LRRC4C: variants seen among roughly 807,000 people sequenced by gnomAD.
The protein encoded by LRRC4C is leucine rich repeat containing 4C.
In LRRC4C, 5 loss-of-function variants were observed where a neutral mutation model predicts 33.6. The observed-to-expected ratio is 0.15, with a 90% CI of 0.08 to 0.31. LRRC4C has a LOEUF of 0.31. Among genes scored for constraint, LRRC4C ranks in the 10% least tolerant of loss-of-function variants. LRRC4C has a pLI of 1.00. For missense variants in LRRC4C, 560 were observed against 796.7 expected (o/e 0.70, Z 3.58); for synonymous variants, 329 against 302.0 (o/e 1.09, Z -0.93).
chr11:40,843,213 T>C (rs1209362943), intron 2 of LRRC4C, among the ~76,000 whole-genome samples: 1 of 152,156 alleles, frequency 6.6e-6, no homozygotes, highest in African/African-American at 2.4e-5. Flanking sequence ...AAGCAGCCAT[T>C]CTAGTCTACT....
chr11:40,236,486 G>T (rs1865567862), intron 5 of LRRC4C, among the ~76,000 whole-genome samples: 1 of 152,002 alleles, frequency 6.6e-6, no homozygotes, highest in South Asian at 2.1e-4. Flanking sequence ...TTATTTCATG[G>T]GCATAGAGAA....
chr11:40,742,103 A>T (rs1039327264), intron 2 of LRRC4C, among the ~76,000 whole-genome samples: 2 of 152,098 alleles, frequency 1.3e-5, no homozygotes, highest in African/African-American at 4.8e-5. Context: ...GCAGGAGCAG[A>T]TGAAATTCAA....
chr11:40,176,402 A>G (rs1405134706), intron 5 of LRRC4C, among the ~76,000 whole-genome samples: 1 of 152,218 alleles, frequency 6.6e-6, no homozygotes, highest in Non-Finnish European at 1.5e-5. Context: ...CATGGTGGCA[A>G]TTAAGTAAAC....
At chr11:40,117,782 A>G (rs1408729389) in intron 6 of LRRC4C, among the ~76,000 whole-genome samples, 1 of 151,910 alleles carries the variant, frequency 6.6e-6, no homozygotes, top group Non-Finnish European at 1.5e-5. Context: ...ATTATGTGTC[A>G]CCTTGAGCAA....
At chr11:40,921,832 A>C (rs1283632243) in intron 2 of LRRC4C, among the ~76,000 whole-genome samples, 1 of 152,198 alleles carries the variant, frequency 6.6e-6, no homozygotes, top group Non-Finnish European at 1.5e-5. Flanking sequence ...AATAAACATA[A>C]TCTAGACTAC....
chr11:40,893,991 C>A (rs1289733983), intron 2 of LRRC4C, among the ~76,000 whole-genome samples: 1 of 152,076 alleles, frequency 6.6e-6, no homozygotes, highest in Non-Finnish European at 1.5e-5. Context: ...CTTCAGTTAA[C>A]CCCAAGATCA....
rs1047505791 is a variant in LRRC4C at position 40,854,663 on chromosome 11, T to G, written c.-407+78972A>C. On this transcript the variant is annotated intron_variant, in intron 2 of 6. Transcript: ENST00000528697. ...CTACCCTTGGCAAACCTGCAAAATTTTATACATTAAAAATATGTTTGTGTA... is the reference window on the plus strand; with the variant it reads ...CTACCCTTGGCAAACCTGCAAAATTGTATACATTAAAAATATGTTTGTGTA... Among the ~76,000 whole-genome samples the G allele has an allele frequency of 2.0e-5, 3 of 151,750 alleles. No homozygotes were observed. In the East Asian group the frequency reaches 5.8e-4, roughly 29 times the overall value.
At chr11:40,792,889 A>G (rs926273786) in intron 2 of LRRC4C, among the ~76,000 whole-genome samples, 5 of 152,088 alleles carry the variant, frequency 3.3e-5, no homozygotes, top group Non-Finnish European at 7.4e-5. Flanking sequence ...TCACAAGGAC[A>G]AAAAACCAAA....
At chr11:40,518,425 C>A (rs962161140) in intron 3 of LRRC4C, among the ~76,000 whole-genome samples, 1 of 151,994 alleles carries the variant, frequency 6.6e-6, no homozygotes, top group Non-Finnish European at 1.5e-5. Flanking sequence ...AAAAAAACAA[C>A]CCCATCAAAA....
At chr11:41,256,183 G>A (rs1263704892) in intron 1 of LRRC4C, among the ~76,000 whole-genome samples, 3 of 151,902 alleles carry the variant, frequency 2.0e-5, no homozygotes, top group Non-Finnish European at 4.4e-5. Context: ...CAGAAACACA[G>A]TATTGCTGCC....
At chr11:40,988,756 G>A (rs1159051190) in intron 1 of LRRC4C, among the ~76,000 whole-genome samples, 1 of 124,752 alleles carries the variant, frequency 8.0e-6, no homozygotes, top group Non-Finnish European at 1.6e-5. Context: ...TCGTTAGGTC[G>A]CCCAGGCTGG....
intron 2 of LRRC4C, among the ~76,000 whole-genome samples, chr11:40,865,660 G>T: frequency 6.6e-6 from 1 of 151,628 alleles, no homozygotes; most frequent in Non-Finnish European, 1.5e-5. Flanking sequence ...CAACAGGTGG[G>T]TTATCTCTGA....
chr11:40,474,710 C>A (rs1953120320), intron 3 of LRRC4C, among the ~76,000 whole-genome samples: 1 of 152,136 alleles, frequency 6.6e-6, no homozygotes, highest in Non-Finnish European at 1.5e-5. Flanking sequence ...TATCCAGAAT[C>A]TACAAGGAAC....
chr11:41,094,728 G>T (rs970584579), intron 1 of LRRC4C, among the ~76,000 whole-genome samples: 1 of 151,896 alleles, frequency 6.6e-6, no homozygotes, highest in Admixed American at 6.6e-5. Flanking sequence ...CCCTATACAA[G>T]ATCAAAGCAT....
chr11:41,173,662 C>T (rs1945073335), intron 1 of LRRC4C, among the ~76,000 whole-genome samples: 1 of 152,092 alleles, frequency 6.6e-6, no homozygotes, highest in Admixed American at 6.5e-5. Flanking sequence ...ATTCATGTCT[C>T]TCTCCATTGA....
chr11:40,642,652 C>A (rs957717716), intron 3 of LRRC4C, among the ~76,000 whole-genome samples: 1 of 152,150 alleles, frequency 6.6e-6, no homozygotes, highest in African/African-American at 2.4e-5. Context: ...CCCCTCAGCA[C>A]CTAGAACATT....
intron 3 of LRRC4C, among the ~76,000 whole-genome samples, chr11:40,358,459 T>C (rs1043919064): frequency 2.6e-5 from 4 of 152,062 alleles, no homozygotes; most frequent in African/African-American, 9.7e-5. Flanking sequence ...TTTTGTACTT[T>C]TAGTAGAGAT....
chr11:41,345,248 T>G (rs931163992), intron 1 of LRRC4C, among the ~76,000 whole-genome samples: 1 of 152,070 alleles, frequency 6.6e-6, no homozygotes, highest in Non-Finnish European at 1.5e-5. Flanking sequence ...ATCCCTACAC[T>G]TGAAGACAAT....
intron 1 of LRRC4C, among the ~76,000 whole-genome samples, chr11:41,278,496 AT>A (rs1949552778): frequency 6.6e-6 from 1 of 152,242 alleles, no homozygotes; most frequent in South Asian, 2.1e-4. Flanking sequence ...ATACATACAA[AT>A]TCATGTCAAT....
Sources: allele counts gnomAD v4.1 joint callset (sites outside exome capture counted in the v4.1 genomes callset), GRCh38; gene constraint gnomAD v4.1.1; transcripts MANE v1.5; gene names NCBI Gene and HGNC (gene_info 2026-07-23, HGNC 2026-07-21).